The following ALK variants were observed in gnomAD, a reference collection of about 807,000 sequenced individuals.
ALK encodes the protein ALK receptor tyrosine kinase.
A neutral mutation model predicts 163.1 loss-of-function variants in ALK; 74 were observed. The observed-to-expected ratio is 0.45, with a 90% CI of 0.38 to 0.55. The LOEUF (loss-of-function observed/expected upper bound fraction) is 0.55. Ranked by LOEUF, ALK falls within the 20% of genes least tolerant of loss-of-function variation. The probability of loss-of-function intolerance (pLI) is 0.00; values close to 1 mark genes in which losing one functional copy is unlikely to be tolerated. For missense variants in ALK, 2,063 were observed against 2,105.3 expected (o/e 0.98, Z 0.39); for synonymous variants, 960 against 843.2 (o/e 1.14, Z -2.40).
At chr2:29,734,805 A>C (rs1237975109) in intron 1 of ALK, among the ~76,000 whole-genome samples, 1 of 152,062 alleles carries the variant, frequency 6.6e-6, no homozygotes, top group Non-Finnish European at 1.5e-5. Context: ...AAATCACTTA[A>C]ATAATTTAAA....
At chr2:29,453,580 G>A in intron 4 of ALK, among the ~76,000 whole-genome samples, 1 of 152,066 alleles carries the variant, frequency 6.6e-6, no homozygotes, top group East Asian at 1.9e-4. Flanking sequence ...CAAGTTTCTT[G>A]AGGGCAAGGG....
intron 3 of ALK, among the ~76,000 whole-genome samples, chr2:29,537,727 G>A (rs1203159371): frequency 6.6e-6 from 1 of 152,234 alleles, no homozygotes; most frequent in Non-Finnish European, 1.5e-5. Flanking sequence ...GCAGCTTGAA[G>A]CCTCAGCATG....
chr2:29,881,583 CT>C (rs1192410399), intron 1 of ALK, among the ~76,000 whole-genome samples: 3 of 152,172 alleles, frequency 2.0e-5, no homozygotes, highest in Non-Finnish European at 4.4e-5. Context: ...TGCTGGCTGT[CT>C]CCCCGCCTCC....
chr2:29,916,675 T>C (rs1439551643), intron 1 of ALK, among the ~76,000 whole-genome samples: 1 of 152,206 alleles, frequency 6.6e-6, no homozygotes, highest in African/African-American at 2.4e-5. Flanking sequence ...TCCAAAGTCA[T>C]GTATCCACTT....
At position 29,227,505 on chromosome 2, in the gene ALK, T is replaced by A; in HGVS notation, c.2914+69A>T. 3 of 1,320,306 alleles carry A rather than the reference T, an allele frequency of 2.3e-6. No homozygotes were observed. In the South Asian group the frequency reaches 3.5e-5, roughly 15 times the overall value. 81.8% of individuals were successfully genotyped at this position (1,320,306 alleles called of 1,614,324 possible). On this transcript the variant is annotated intron_variant, in intron 17 of 28. Transcript: ENST00000389048. The surrounding 1 kb of genome is among the most constrained non-coding windows in gnomAD (Gnocchi z 4.4). ...TGTATCCTGGATACAGGTCAGAGAC[T>A]CTGAGGTTTTAGCTTGGTGGGAGGA...
chr2:29,542,606 G>T (rs1267461544), intron 3 of ALK, among the ~76,000 whole-genome samples: 5 of 152,184 alleles, frequency 3.3e-5, no homozygotes, highest in African/African-American at 1.2e-4. Context: ...GCGTTTTCTA[G>T]TGTCAGTGTT....
chr2:29,881,892 G>A (rs760432779), intron 1 of ALK, among the ~76,000 whole-genome samples: 10 of 152,098 alleles, frequency 6.6e-5, no homozygotes, highest in Admixed American at 2.0e-4. Flanking sequence ...TCTACTCCCA[G>A]CAGATTGGAG....
chr2:29,710,976 G>T (rs1679080893), intron 2 of ALK, among the ~76,000 whole-genome samples: 1 of 152,138 alleles, frequency 6.6e-6, no homozygotes, highest in Non-Finnish European at 1.5e-5. Flanking sequence ...CCCTCTAGAT[G>T]TCTTGGTCAA....
At position 29,445,815 on chromosome 2, in the gene ALK, G is replaced by A. The variant is rs145725711; in HGVS notation, c.1155-61956C>T. On this transcript the variant is annotated intron_variant, in intron 4 of 28. Coordinates refer to ENST00000389048, the MANE Select transcript of ALK (RefSeq NM_004304.5). ...CCAGCGTGGGCAACAAGAGTGAAGC[G>A]CTGGCCGGGCGCGGTGGCTCACGCC... 8.5e-3 allele frequency among the ~76,000 whole-genome samples: 1,290 copies of A among 151,782 alleles called. 19 individuals carry two copies. Among genetic ancestry groups the A allele is most frequent in the African/African-American group, 0.028 (1,177 of 41,366 alleles).
At chr2:29,470,415 T>G (rs1315310655) in intron 4 of ALK, among the ~76,000 whole-genome samples, 1 of 152,074 alleles carries the variant, frequency 6.6e-6, no homozygotes, top group Non-Finnish European at 1.5e-5. Flanking sequence ...TAAAGAAAAC[T>G]ATGCCTAGTC....
At chr2:29,800,180 A>T (rs565432962) in intron 1 of ALK, among the ~76,000 whole-genome samples, 44 of 152,352 alleles carry the variant, frequency 2.9e-4, no homozygotes, top group African/African-American at 8.9e-4. Flanking sequence ...AATGCCTGAG[A>T]GGAGGCTGAA....
chr2:29,228,050 G>C, intron 16 of ALK, among the ~76,000 whole-genome samples: 1 of 152,200 alleles, frequency 6.6e-6, no homozygotes, highest in Non-Finnish European at 1.5e-5. Context: ...CAGCCCCATT[G>C]GGTCAGGGTT....
chr2:29,689,503 G>A (rs1016590948), intron 3 of ALK, among the ~76,000 whole-genome samples: 5 of 152,180 alleles, frequency 3.3e-5, no homozygotes, highest in African/African-American at 1.2e-4. Context: ...TTGAAGAAAG[G>A]ATGAGAAATG....
intron 3 of ALK, among the ~76,000 whole-genome samples, chr2:29,548,380 G>A (rs943689246): frequency 6.6e-6 from 1 of 152,002 alleles, no homozygotes; most frequent in African/African-American, 2.4e-5. Context: ...GGTTGAGGCA[G>A]GAGAATCGCT....
chr2:29,517,312 A>T (rs1351365372), intron 4 of ALK, among the ~76,000 whole-genome samples: 3 of 152,008 alleles, frequency 2.0e-5, no homozygotes, highest in Non-Finnish European at 2.9e-5. Context: ...GAGCTTCAAG[A>T]TCTTCATTAT....
intron 1 of ALK, among the ~76,000 whole-genome samples, chr2:29,809,287 C>T (rs1025564271): frequency 5.3e-5 from 8 of 152,226 alleles, no homozygotes; most frequent in African/African-American, 9.7e-5. Context: ...TACATTGTTT[C>T]ATTTAATCCT....
At chr2:29,901,159 C>T (rs547980729) in intron 1 of ALK, among the ~76,000 whole-genome samples, 24 of 152,332 alleles carry the variant, frequency 1.6e-4, no homozygotes, top group Middle Eastern at 3.4e-3. Flanking sequence ...AGGCAAGTCA[C>T]TTAACCCCAC....
chr2:29,584,085 G>A (rs573232044), intron 3 of ALK, among the ~76,000 whole-genome samples: 2 of 152,088 alleles, frequency 1.3e-5, no homozygotes, highest in Non-Finnish European at 2.9e-5. Flanking sequence ...AAGTCAGGGG[G>A]TGTTCAAGAG....
chr2:29,608,353 G>T (rs1675597846), intron 3 of ALK, among the ~76,000 whole-genome samples: 1 of 152,202 alleles, frequency 6.6e-6, no homozygotes, highest in Non-Finnish European at 1.5e-5. Flanking sequence ...CTACAGTCCT[G>T]CAAGACACAT....
Sources: gnomAD v4.1 joint callset for allele counts (sites outside exome capture counted in the v4.1 genomes callset) on GRCh38, gnomAD v4.1.1 for gene constraint, Gnocchi (gnomAD v3.1) non-coding constraint, MANE v1.5 for transcripts, NCBI Gene and HGNC (gene_info 2026-07-23, HGNC 2026-07-21) for gene names.